Variants in CSMD1 observed in about 807,000 individuals in gnomAD.
CSMD1 encodes CUB and Sushi multiple domains 1, also known as CUB and sushi domain-containing protein 1.
Under a neutral mutation model 417.5 loss-of-function variants are expected in CSMD1, and 213 were observed. The observed-to-expected ratio is 0.51, with a 90% CI of 0.46 to 0.57. The LOEUF is 0.57. Ranked by LOEUF, CSMD1 falls within the 20% of genes least tolerant of loss-of-function variation. The pLI, the probability that CSMD1 is intolerant of heterozygous loss-of-function variation, is 0.00. For synonymous variants in CSMD1, 2,862 were observed against 1,736.8 expected (o/e 1.65, Z -16.11); for missense variants, 6,923 against 4,529.7 (o/e 1.53, Z -15.17).
chr8:4,510,634 C>A, intron 2 of CSMD1, among the ~76,000 whole-genome samples: 1 of 141,140 alleles, frequency 7.1e-6, no homozygotes, highest in African/African-American at 2.6e-5. Context: ...CTTCCCTCTC[C>A]CCTTCCTTCC....
intron 2 of CSMD1, among the ~76,000 whole-genome samples, chr8:4,494,226 G>C (rs770554704): frequency 6.6e-6 from 1 of 152,134 alleles, no homozygotes; most frequent in Non-Finnish European, 1.5e-5. Context: ...ACCAAAAACA[G>C]ATTTCCATGT....
chr8:4,957,285 C>T (rs1809182949), intron 1 of CSMD1, among the ~76,000 whole-genome samples: 1 of 152,134 alleles, frequency 6.6e-6, no homozygotes. Flanking sequence ...TCTCACCCCA[C>T]ACAAAGGGCA....
intron 25 of CSMD1, among the ~76,000 whole-genome samples, chr8:3,285,902 A>G (rs1803117425): frequency 6.6e-6 from 1 of 152,172 alleles, no homozygotes; most frequent in African/African-American, 2.4e-5. Flanking sequence ...TTACATGTGT[A>G]TACATGTGCC....
chr8:4,864,256 G>C (rs886360134), intron 1 of CSMD1, among the ~76,000 whole-genome samples: 5 of 151,686 alleles, frequency 3.3e-5, no homozygotes, highest in African/African-American at 9.7e-5. Context: ...AGCATTTTGA[G>C]AAATACATAC....
intron 1 of CSMD1, among the ~76,000 whole-genome samples, chr8:4,649,502 G>A (rs575878508): frequency 1.3e-5 from 2 of 152,172 alleles, no homozygotes; most frequent in Admixed American, 1.3e-4. Context: ...ATAAACCCAC[G>A]TGAGTAGGAC....
intron 1 of CSMD1, among the ~76,000 whole-genome samples, chr8:4,639,087 C>T (rs1803034586): frequency 6.6e-6 from 1 of 152,082 alleles, no homozygotes; most frequent in East Asian, 1.9e-4. Context: ...GAAATGCCTG[C>T]CTTGTCAGCC....
intron 3 of CSMD1, among the ~76,000 whole-genome samples, chr8:4,290,947 T>C (rs112728188): frequency 5.8e-4 from 88 of 152,330 alleles, no homozygotes; most frequent in African/African-American, 2.0e-3. Flanking sequence ...TTCATTTCTT[T>C]CTAAAATTTA....
intron 3 of CSMD1, among the ~76,000 whole-genome samples, chr8:4,331,166 G>C (rs894448984): frequency 9.2e-5 from 14 of 152,122 alleles, no homozygotes; most frequent in African/African-American, 3.4e-4. Flanking sequence ...TTATTTGCCT[G>C]ATAAGAATAA....
intron 41 of CSMD1, among the ~76,000 whole-genome samples, chr8:3,122,830 G>A (rs571464383): frequency 2.1e-4 from 32 of 152,158 alleles, no homozygotes; most frequent in African/African-American, 5.3e-4. Flanking sequence ...TATCAGCAGC[G>A]TGAAAATGGA....
chr8:4,012,345 C>T (rs1029900524), intron 4 of CSMD1, among the ~76,000 whole-genome samples: 33 of 152,152 alleles, frequency 2.2e-4, no homozygotes, highest in African/African-American at 7.7e-4. Context: ...ATTCTCTTCA[C>T]CTCTTCTCTT....
chr8:4,140,653 G>T (rs1286778595), intron 3 of CSMD1, among the ~76,000 whole-genome samples: 4 of 150,996 alleles, frequency 2.6e-5, no homozygotes, highest in Middle Eastern at 3.4e-3. Context: ...GGGCAACAGA[G>T]CAAGACCCTG....
At position 4,366,382 on chromosome 8, in the gene CSMD1, A is replaced by T. The variant is rs556184517; in HGVS notation, c.415+53571T>A. Among the ~76,000 whole-genome samples, 4 of 152,314 alleles carry T rather than the reference A, an allele frequency of 2.6e-5. No homozygotes were observed. In the South Asian group the frequency reaches 8.3e-4, roughly 32 times the overall value. On this transcript the variant is annotated intron_variant, in intron 3 of 69. Transcript: ENST00000635120. Reference sequence around the variant, plus strand: ...TGTTTACCATTGAGAATAGCACTGCAATGAACATATGCATGCACGTGTCTT... The same window carrying T: ...TGTTTACCATTGAGAATAGCACTGCTATGAACATATGCATGCACGTGTCTT...
chr8:3,267,988 G>A (rs1244317725), intron 26 of CSMD1, among the ~76,000 whole-genome samples: 2 of 152,116 alleles, frequency 1.3e-5, no homozygotes, highest in Non-Finnish European at 2.9e-5. Context: ...CAGGGTCATT[G>A]CCCTGTGTGG....
At chr8:3,589,987 T>C (rs1402711961) in intron 8 of CSMD1, among the ~76,000 whole-genome samples, 2 of 152,092 alleles carry the variant, frequency 1.3e-5, no homozygotes, top group Non-Finnish European at 2.9e-5. Context: ...CAGAAGACAT[T>C]AGAGTGTCCA....
chr8:3,651,833 C>T (rs536959721), intron 7 of CSMD1, among the ~76,000 whole-genome samples: 1 of 151,574 alleles, frequency 6.6e-6, no homozygotes, highest in East Asian at 2.0e-4. Flanking sequence ...CCACCACCAT[C>T]AGAGCACCCA....
intron 39 of CSMD1, among the ~76,000 whole-genome samples, chr8:3,155,015 C>T (rs1454032920): frequency 1.3e-5 from 2 of 152,070 alleles, no homozygotes; most frequent in Non-Finnish European, 2.9e-5. Context: ...AACTTGTATA[C>T]CCTGTAAAGA....
chr8:3,327,920 T>G (rs566443211), intron 23 of CSMD1, among the ~76,000 whole-genome samples: 4 of 152,250 alleles, frequency 2.6e-5, no homozygotes, highest in South Asian at 4.1e-4. Flanking sequence ...TTGGGTCACC[T>G]TGAACTCTGT....
rs1363467713 is a variant in CSMD1, at chr8:3,521,145, C to T, written c.1345-27419G>A. Reference sequence around the variant, plus strand: ...TCACCATTCCAGTCCATCCTACACACTGAAAATGAATGTATTTATTAAAAC... The same window carrying T: ...TCACCATTCCAGTCCATCCTACACATTGAAAATGAATGTATTTATTAAAAC... On this transcript the variant is annotated intron_variant, in intron 10 of 69. Transcript: ENST00000635120. Among the ~76,000 whole-genome samples the T allele has an allele frequency of 7.4e-5, 11 of 148,344 alleles. No homozygotes were observed. In the East Asian group the frequency reaches 2.0e-3, roughly 27 times the overall value.
intron 46 of CSMD1, 50 bp from the exon 47 acceptor site, chr8:3,097,087 C>G: frequency 7.3e-7 from 1 of 1,372,388 alleles, no homozygotes; most frequent in Non-Finnish European, 9.8e-7. Flanking sequence ...ATGATTCCAA[C>G]TGCAATAGGA....
Sources: gnomAD v4.1 joint callset for allele counts (sites outside exome capture counted in the v4.1 genomes callset) on GRCh38, gnomAD v4.1.1 for gene constraint, MANE v1.5 for transcripts, NCBI Gene and HGNC (gene_info 2026-07-23, HGNC 2026-07-21) for gene names.